The following DMD variants were observed in gnomAD, a reference collection of about 807,000 sequenced individuals.
DMD encodes the protein dystrophin.
Under a neutral mutation model 330.1 loss-of-function variants are expected in DMD, and 63 were observed. The observed-to-expected ratio is 0.19, with a 90% CI of 0.16 to 0.24. The LOEUF (loss-of-function observed/expected upper bound fraction) is 0.24, where lower values mean the gene tolerates loss of function less well. Among genes scored for constraint, DMD ranks in the 10% least tolerant of loss-of-function variants. The pLI is 1.00. For synonymous variants in DMD, 1,223 were observed against 959.8 expected (o/e 1.27, Z -5.07); for missense variants, 3,344 against 2,684.1 (o/e 1.25, Z -5.43).
chrX:32,474,481 A>C lies in DMD; in HGVS notation c.2804-2172T>G, dbSNP rs1267922184. Among the ~76,000 whole-genome samples, 2 of 111,856 alleles carry C rather than the reference A, an allele frequency of 1.8e-5. 1 individual carries two copies. Among genetic ancestry groups the C allele is most frequent in the Admixed American group, 1.9e-4 (2 of 10,539 alleles). ...TGTACTTGTTTAAATCCCCATCAGC[A>C]GTGTAGAAGTGTTACCTGATCACCA... On this transcript the variant is annotated intron_variant, in intron 21 of 78. Transcript: ENST00000357033.
intron 44 of DMD, among the ~76,000 whole-genome samples, chrX:32,163,639 A>G: frequency 8.9e-6 from 1 of 112,037 alleles, no homozygotes; most frequent in East Asian, 2.8e-4. Flanking sequence ...ACAGACACAG[A>G]TAAGTGCATG....
At chrX:32,562,529 G>A (rs766625861) in intron 16 of DMD, among the ~76,000 whole-genome samples, 2 of 112,650 alleles carry the variant, frequency 1.8e-5, no homozygotes, top group Non-Finnish European at 3.7e-5. Flanking sequence ...ACCATTATGA[G>A]AACTTTGCTC....
At chrX:31,438,649 C>T (rs1199618534) in intron 60 of DMD, among the ~76,000 whole-genome samples, 5 of 111,556 alleles carry the variant, frequency 4.5e-5, no homozygotes, top group Non-Finnish European at 9.4e-5. Flanking sequence ...AGAAAGACAT[C>T]GGTAGATGTC....
rs749286611 is a variant in DMD, at chrX:32,894,444, T to C, written c.94-44624A>G. On this transcript the variant is annotated intron_variant, in intron 2 of 78. Coordinates refer to ENST00000357033, the MANE Select transcript of DMD (RefSeq NM_004006.3). ...AGATAGCCTCGCAGCACAGTGGTAG[T>C]GATGGCGGCGGTGGGATGAGCGGGC... Among the ~76,000 whole-genome samples the C allele has an allele frequency of 1.2e-4, 13 of 112,758 alleles. No homozygotes were observed. In the East Asian group the frequency reaches 3.1e-3, roughly 27 times the overall value.
At chrX:33,122,226 A>AAAACAAAC (rs751215987) in intron 1 of DMD, among the ~76,000 whole-genome samples, 3 of 112,046 alleles carry the variant, frequency 2.7e-5, no homozygotes, top group African/African-American at 9.8e-5. Flanking sequence ...CTCCGTCTCA[A>AAAACAAAC]AAACAAACAA....
At chrX:32,776,632 C>G (rs1489289217) in intron 7 of DMD, among the ~76,000 whole-genome samples, 3 of 111,021 alleles carry the variant, frequency 2.7e-5, no homozygotes, top group African/African-American at 9.9e-5. Flanking sequence ...ACAAGAAGAG[C>G]ATGGGGACAA....
chrX:32,708,260 C>T (rs947843087), intron 7 of DMD, among the ~76,000 whole-genome samples: 42 of 107,865 alleles, frequency 3.9e-4, no homozygotes, highest in Non-Finnish European at 1.5e-4. Flanking sequence ...ACTAGCTTAA[C>T]GCAGATATTG....
At chrX:32,283,895 CT>C (rs2097429795) in intron 43 of DMD, among the ~76,000 whole-genome samples, 1 of 111,471 alleles carries the variant, frequency 9.0e-6, no homozygotes, top group African/African-American at 3.3e-5. Flanking sequence ...CTATCAGATG[CT>C]TCTGCCAGAG....
chrX:32,689,368 A>G (rs148120580), intron 9 of DMD, among the ~76,000 whole-genome samples: 326 of 111,494 alleles, frequency 2.9e-3, no homozygotes, highest in African/African-American at 8.9e-3. Context: ...GAACTGTGTA[A>G]AAATGGAAAA....
At chrX:32,363,106 A>T in intron 36 of DMD, 148 bp from the exon 37 acceptor site, 2 of 557,819 alleles carry the variant, frequency 3.6e-6, no homozygotes, top group Non-Finnish European at 2.9e-6. Context: ...GAGCAAGCAC[A>T]TGCAGAAAAT....
chrX:31,719,182 T>G (rs2148954327), intron 52 of DMD, among the ~76,000 whole-genome samples: 1 of 112,238 alleles, frequency 8.9e-6, no homozygotes, highest in Non-Finnish European at 1.9e-5. Context: ...TAATATAGTT[T>G]ATTACCTTCA....
intron 3 of DMD, among the ~76,000 whole-genome samples, chrX:32,849,391 T>C (rs2080947927): frequency 8.9e-6 from 1 of 112,086 alleles, no homozygotes; most frequent in Non-Finnish European, 1.9e-5. Context: ...ACAGGTTCCT[T>C]GTAAAATAAC....
At chrX:32,420,948 A>C (rs1375080271) in intron 29 of DMD, among the ~76,000 whole-genome samples, 1 of 111,434 alleles carries the variant, frequency 9.0e-6, no homozygotes, top group Non-Finnish European at 1.9e-5. Context: ...GCCAGTGTTC[A>C]GGTTCTCTTG....
chrX:31,796,412 T>C, intron 50 of DMD, among the ~76,000 whole-genome samples: 1 of 112,409 alleles, frequency 8.9e-6, no homozygotes, highest in Non-Finnish European at 1.9e-5. Context: ...CATTAGATTG[T>C]GTCATTCACA....
chrX:33,021,909 A>C (rs769779774), intron 1 of DMD, among the ~76,000 whole-genome samples: 38 of 111,617 alleles, frequency 3.4e-4, no homozygotes, highest in African/African-American at 1.2e-3. Flanking sequence ...TTTCAAACCT[A>C]TTCTAGCCTC....
intron 30 of DMD, among the ~76,000 whole-genome samples, chrX:32,391,325 G>A (rs890460453): frequency 9.0e-6 from 1 of 111,204 alleles, no homozygotes; most frequent in Non-Finnish European, 1.9e-5. Flanking sequence ...AGTAAATTCT[G>A]ATACATATCA....
chrX:32,800,857 C>T (rs1416470622), intron 7 of DMD, among the ~76,000 whole-genome samples: 3 of 111,331 alleles, frequency 2.7e-5, no homozygotes, highest in East Asian at 5.7e-4. Flanking sequence ...GCTTCATCCA[C>T]ATCCCTGCAA....
At chrX:32,400,170 G>A (rs756644604) in intron 30 of DMD, among the ~76,000 whole-genome samples, 26 of 111,732 alleles carry the variant, frequency 2.3e-4, no homozygotes, top group African/African-American at 4.6e-4. Context: ...AGCATGAAGC[G>A]TTGTTGAATT....
At chrX:33,141,738 T>G (rs2047809595) in intron 1 of DMD, among the ~76,000 whole-genome samples, 1 of 111,257 alleles carries the variant, frequency 9.0e-6, no homozygotes, top group African/African-American at 3.3e-5. Flanking sequence ...AGTAAAATTT[T>G]ATAGGTTCAA....
Sources: allele counts gnomAD v4.1 joint callset (sites outside exome capture counted in the v4.1 genomes callset), GRCh38; gene constraint gnomAD v4.1.1; transcripts MANE v1.5; gene names NCBI Gene and HGNC (gene_info 2026-07-23, HGNC 2026-07-21).